The following ASTN2 variants were observed in gnomAD, a reference collection of about 807,000 sequenced individuals.
The protein encoded by ASTN2 is astrotactin-2.
ASTN2 carries 54 observed loss-of-function variants against 139.8 expected under a neutral mutation model. The observed-to-expected ratio is 0.39, with a 90% CI of 0.31 to 0.48. The LOEUF (loss-of-function observed/expected upper bound fraction) is 0.48. Ranked by LOEUF, ASTN2 falls within the 20% of genes least tolerant of loss-of-function variation. The pLI is 0.95. For missense variants in ASTN2, 1,565 were observed against 1,725.1 expected, an observed-to-expected ratio of 0.91 and a Z score of 1.64; for synonymous variants, 756 against 719.5, an observed-to-expected ratio of 1.05 and a Z score of -0.81.
intron 13 of ASTN2, among the ~76,000 whole-genome samples, chr9:116,795,181 T>C (rs967428429): frequency 6.6e-6 from 1 of 152,158 alleles, no homozygotes; most frequent in East Asian, 1.9e-4. Context: ...GGTTTCACCA[T>C]GTTGGCCAGG....
intron 10 of ASTN2, among the ~76,000 whole-genome samples, chr9:116,972,243 T>G (rs948404609): frequency 6.6e-6 from 1 of 152,202 alleles, no homozygotes; most frequent in African/African-American, 2.4e-5. Flanking sequence ...TATGATATTA[T>G]TTTGTGTCTG....
At chr9:117,207,800 G>T (rs62564686) in intron 3 of ASTN2, among the ~76,000 whole-genome samples, 3 of 152,196 alleles carry the variant, frequency 2.0e-5, no homozygotes, top group Non-Finnish European at 4.4e-5. Context: ...CCTGTTCTGA[G>T]AAATAGCCCA....
At chr9:116,449,543 A>C (rs1347176845) in intron 20 of ASTN2, among the ~76,000 whole-genome samples, 1 of 152,250 alleles carries the variant, frequency 6.6e-6, no homozygotes, top group African/African-American at 2.4e-5. Context: ...TTCAATGTGC[A>C]TGTGTTTAAA....
At chr9:116,496,593 C>T (rs1053301546) in intron 19 of ASTN2, among the ~76,000 whole-genome samples, 2 of 152,160 alleles carry the variant, frequency 1.3e-5, no homozygotes, top group Admixed American at 6.5e-5. Context: ...GGCTGGAAGT[C>T]GGGGAGATGG....
Position 117,356,299 on chromosome 9 carries a change from G to T in ASTN2, c.442+58198C>A, listed in dbSNP as rs1303813133. ...TAGACTTTTCCAGGGAGATAAATAT[G>T]CATCTCGATTCTTCTTGGACACCTA... On this transcript the variant is annotated intron_variant, in intron 1 of 22. Coordinates refer to ENST00000313400, the MANE Select transcript of ASTN2 (RefSeq NM_001365068.1). Among the ~76,000 whole-genome samples the T allele has an allele frequency of 2.0e-5, 3 of 152,212 alleles. 1 individual carries two copies. The highest frequency in any genetic ancestry group is 2.0e-4 in the Admixed American group (3 of 15,278).
At chr9:116,748,643 C>A (rs995013341) in intron 13 of ASTN2, among the ~76,000 whole-genome samples, 7 of 152,214 alleles carry the variant, frequency 4.6e-5, no homozygotes, top group African/African-American at 1.7e-4. Context: ...AGAATAAGAG[C>A]AGACACACAG....
intron 3 of ASTN2, among the ~76,000 whole-genome samples, chr9:117,175,284 TTAACTC>T (rs1362738041): frequency 6.6e-6 from 1 of 152,138 alleles, no homozygotes; most frequent in Non-Finnish European, 1.5e-5. Context: ...GTTTAGATGT[TTAACTC>T]TATTCATAGC....
chr9:116,449,666 A>G (rs1169701330), intron 20 of ASTN2, among the ~76,000 whole-genome samples: 1 of 152,160 alleles, frequency 6.6e-6, no homozygotes, highest in Non-Finnish European at 1.5e-5. Context: ...AGCAAAATGG[A>G]AGGGATGCTG....
intron 22 of ASTN2, among the ~76,000 whole-genome samples, chr9:116,426,474 T>C (rs1383867326): frequency 1.3e-5 from 2 of 152,180 alleles, no homozygotes; most frequent in Non-Finnish European, 2.9e-5. Context: ...TTTACATATA[T>C]TTTACATTTT....
chr9:116,647,858 G>T (rs909299260), intron 17 of ASTN2, among the ~76,000 whole-genome samples: 3 of 152,134 alleles, frequency 2.0e-5, no homozygotes, highest in Admixed American at 2.0e-4. Flanking sequence ...TGTTACCCAG[G>T]TTGAAGTGCA....
chr9:117,113,908 G>A (rs1454080417), intron 4 of ASTN2, among the ~76,000 whole-genome samples: 1 of 152,094 alleles, frequency 6.6e-6, no homozygotes. Context: ...TCTTTTGGGG[G>A]TGAAGGAAAT....
chr9:116,882,844 T>A (rs1481019005), intron 10 of ASTN2, among the ~76,000 whole-genome samples: 1 of 144,440 alleles, frequency 6.9e-6, no homozygotes, highest in East Asian at 2.2e-4. Context: ...AAAAAAAAAG[T>A]ATTCATTTTC....
chr9:116,976,175 T>A lies in ASTN2; in HGVS notation c.1690A>T (p.Thr564Ser), dbSNP rs200986783. Residue 564 changes from threonine (T) to serine (S), a missense_variant, in exon 9 of 23, where the codon ACG (threonine) becomes TCG (serine). By Grantham distance (58) the Thr-to-Ser change is moderately conservative. Coordinates refer to ENST00000313400, the MANE Select transcript of ASTN2 (RefSeq NM_001365068.1). ...AGATCATAGCCCCTCTCAAGTGTCG[T>A]GTAGGGCCAAGGTCTATGGGAAGAA... Reference protein sequence around the residue: ...WGQSEGPWPYTTLERGYDLVT... With the variant: ...WGQSEGPWPYSTLERGYDLVT... 18 of 1,613,970 alleles carry A rather than the reference T, an allele frequency of 1.1e-5. No individual in the cohort carries two copies. The highest frequency in any genetic ancestry group is 1.4e-5 in the Non-Finnish European group (16 of 1,179,994).
intron 7 of ASTN2, among the ~76,000 whole-genome samples, chr9:117,005,331 C>T (rs1371169212): frequency 6.6e-6 from 1 of 151,706 alleles, no homozygotes; most frequent in African/African-American, 2.4e-5. Flanking sequence ...TAGTGATCCA[C>T]CTGTCTTGGC....
chr9:116,958,752 C>G (rs1036105068), intron 10 of ASTN2, among the ~76,000 whole-genome samples: 2 of 151,868 alleles, frequency 1.3e-5, no homozygotes, highest in African/African-American at 4.8e-5. Context: ...CAGAGACATG[C>G]AAACATACAA....
chr9:116,534,851 G>C (rs1213565523), intron 19 of ASTN2, among the ~76,000 whole-genome samples: 2 of 152,184 alleles, frequency 1.3e-5, no homozygotes, highest in Non-Finnish European at 2.9e-5. Context: ...ACTTGGGGTG[G>C]AGAGTTTTGT....
intron 20 of ASTN2, among the ~76,000 whole-genome samples, chr9:116,477,392 A>C (rs1187070343): frequency 6.6e-6 from 1 of 151,980 alleles, no homozygotes; most frequent in Non-Finnish European, 1.5e-5. Context: ...CTAACCAATT[A>C]GGACTGGACA....
chr9:116,712,509 G>A (rs1349226144), intron 16 of ASTN2, among the ~76,000 whole-genome samples: 1 of 152,164 alleles, frequency 6.6e-6, no homozygotes, highest in Non-Finnish European at 1.5e-5. Context: ...CCAGAGGTCA[G>A]CTTAGCTCAT....
chr9:117,016,624 CTATATA>C (rs1175306157), intron 6 of ASTN2, among the ~76,000 whole-genome samples: 6 of 20,000 alleles, frequency 3.0e-4, no homozygotes, highest in African/African-American at 9.0e-4. Flanking sequence ...ATCTATCTAT[CTATATA>C]TATATATATA....
Sources: allele counts gnomAD v4.1 joint callset (sites outside exome capture counted in the v4.1 genomes callset), GRCh38; gene constraint gnomAD v4.1.1; transcripts MANE v1.5; gene names NCBI Gene and HGNC (gene_info 2026-07-23, HGNC 2026-07-21).